Variants in KCNMA1 observed in about 807,000 individuals in gnomAD.
KCNMA1 encodes the protein Calcium-activated potassium channel subunit alpha-1.
Under a neutral mutation model 140.0 loss-of-function variants are expected in KCNMA1, and 29 were observed. The ratio of observed to expected loss-of-function variants is 0.21; its 90% CI spans 0.15 to 0.28. KCNMA1 has a LOEUF of 0.28. KCNMA1 is among the 10% of genes least tolerant of loss of function. The probability of loss-of-function intolerance (pLI) is 1.00; values close to 1 mark genes in which losing one functional copy is unlikely to be tolerated. For missense variants in KCNMA1, 880 were observed against 1,602.2 expected, an observed-to-expected ratio of 0.55 and a Z score of 7.70; for synonymous variants, 612 against 611.9, an observed-to-expected ratio of 1.00 and a Z score of 0.00.
intron 2 of KCNMA1, among the ~76,000 whole-genome samples, chr10:77,263,413 A>C (rs1406273777): frequency 2.6e-5 from 4 of 152,126 alleles, no homozygotes; most frequent in Non-Finnish European, 4.4e-5. Flanking sequence ...TGTTCCCTTC[A>C]TCCTATAACC....
chr10:77,516,141 G>A (rs1401077627), intron 1 of KCNMA1, among the ~76,000 whole-genome samples: 1 of 152,080 alleles, frequency 6.6e-6, no homozygotes. Flanking sequence ...AGTCTCTTGG[G>A]TCTGACAGAT....
At chr10:77,021,792 T>C (rs550701435) in intron 16 of KCNMA1, among the ~76,000 whole-genome samples, 141 of 152,264 alleles carry the variant, frequency 9.3e-4, no homozygotes, top group African/African-American at 3.3e-3. Context: ...TTGCAGATAC[T>C]AAGCTAAGGC....
At chr10:77,449,816 G>C (rs1030153574) in intron 1 of KCNMA1, among the ~76,000 whole-genome samples, 1 of 151,532 alleles carries the variant, frequency 6.6e-6, no homozygotes, top group African/African-American at 2.4e-5. Context: ...CTAATTTTTT[G>C]TATTTTTAGT....
At chr10:77,177,433 T>C (rs912586519) in intron 5 of KCNMA1, among the ~76,000 whole-genome samples, 4 of 151,150 alleles carry the variant, frequency 2.6e-5, no homozygotes, top group African/African-American at 4.9e-5. Flanking sequence ...CTTCCTTCCT[T>C]CTTTCCTTTT....
intron 1 of KCNMA1, among the ~76,000 whole-genome samples, chr10:77,573,788 C>G (rs1419480985): frequency 6.6e-6 from 1 of 151,670 alleles, no homozygotes; most frequent in African/African-American, 2.4e-5. Flanking sequence ...CCAGACTCAC[C>G]CTGTATACCT....
At chr10:77,137,780 CT>C (rs1240336938) in intron 5 of KCNMA1, among the ~76,000 whole-genome samples, 1 of 152,098 alleles carries the variant, frequency 6.6e-6, no homozygotes, top group East Asian at 1.9e-4. Context: ...TTGCTCCCTA[CT>C]TTTTTAAAAA....
chr10:77,435,967 G>A (rs900000134), intron 1 of KCNMA1, among the ~76,000 whole-genome samples: 16 of 152,152 alleles, frequency 1.1e-4, no homozygotes, highest in Non-Finnish European at 1.6e-4. Context: ...TTTTATTCCC[G>A]ATCTTAGACT....
chr10:77,072,845 CAT>C (rs753927207), intron 14 of KCNMA1, among the ~76,000 whole-genome samples: 2 of 152,094 alleles, frequency 1.3e-5, no homozygotes, highest in South Asian at 2.1e-4. Flanking sequence ...GATAGATAAA[CAT>C]GTGGTTTATC....
intron 1 of KCNMA1, chr10:77,636,991 G>T (rs1603639305): frequency 2.1e-6 from 3 of 1,405,748 alleles, no homozygotes; most frequent in East Asian, 5.4e-5. Context: ...GGCCCCAGCC[G>T]CAGCCGCCAA....
chr10:77,482,991 TACACACACACACAC>T (rs56364046), intron 1 of KCNMA1, among the ~76,000 whole-genome samples: 44,200 of 126,766 alleles, frequency 0.35, 7,776 homozygotes, highest in East Asian at 0.54. Flanking sequence ...CTCTCTCACA[TACACACACACACAC>T]ACACACACAC....
chr10:77,166,544 T>C (rs1286206944), intron 5 of KCNMA1, among the ~76,000 whole-genome samples: 2 of 150,604 alleles, frequency 1.3e-5, no homozygotes, highest in African/African-American at 4.9e-5. Flanking sequence ...CCAAAAATGA[T>C]TGATTCAGAG....
intron 3 of KCNMA1, among the ~76,000 whole-genome samples, chr10:77,242,060 C>T (rs537142199): frequency 6.6e-6 from 1 of 152,228 alleles, no homozygotes; most frequent in East Asian, 1.9e-4. Context: ...ACTGCAGACT[C>T]TCCTCCCCAT....
intron 2 of KCNMA1, among the ~76,000 whole-genome samples, chr10:77,377,076 G>A (rs1433578700): frequency 2.6e-5 from 4 of 152,130 alleles, no homozygotes; most frequent in African/African-American, 9.7e-5. Flanking sequence ...AAGGAGAAGA[G>A]CCTGCGCCTA....
chr10:76,954,621 T>C (rs1439178799), intron 20 of KCNMA1, among the ~76,000 whole-genome samples: 2 of 152,138 alleles, frequency 1.3e-5, no homozygotes, highest in Non-Finnish European at 2.9e-5. Flanking sequence ...CAACACCCTC[T>C]CTCCTTGCCT....
chr10:77,189,185 G>A (rs1049242717), intron 3 of KCNMA1, among the ~76,000 whole-genome samples: 13 of 151,996 alleles, frequency 8.6e-5, no homozygotes, highest in African/African-American at 1.9e-4. Flanking sequence ...TGGGAACACC[G>A]CTTTGAGACC....
chr10:77,191,922 T>C (rs1055446211), intron 3 of KCNMA1, among the ~76,000 whole-genome samples: 7 of 152,170 alleles, frequency 4.6e-5, no homozygotes, highest in African/African-American at 1.4e-4. Context: ...CTTCTAATTA[T>C]AGCTCTGCTC....
intron 1 of KCNMA1, among the ~76,000 whole-genome samples, chr10:77,491,740 CACACACACACACA>C (rs1567135439): frequency 6.6e-6 from 1 of 152,058 alleles, no homozygotes; most frequent in South Asian, 2.1e-4. Context: ...CACACACACA[CACACACACACACA>C]CCCTACATAT....
At chr10:77,136,899 A>G (rs570988651) in intron 5 of KCNMA1, among the ~76,000 whole-genome samples, 3 of 152,170 alleles carry the variant, frequency 2.0e-5, no homozygotes, top group Non-Finnish European at 4.4e-5. Flanking sequence ...TGCAAGATTC[A>G]GTCACATGAG....
intron 23 of KCNMA1, among the ~76,000 whole-genome samples, chr10:76,941,162 G>GGGAA (rs1174925352): frequency 6.5e-4 from 52 of 80,128 alleles, no homozygotes; most frequent in Non-Finnish European, 1.0e-3. Context: ...AGGGAGGGAA[G>GGGAA]GGAAGGAAGG....
Sources: allele counts gnomAD v4.1 joint callset (sites outside exome capture counted in the v4.1 genomes callset), GRCh38; gene constraint gnomAD v4.1.1; transcripts MANE v1.5; gene names NCBI Gene and HGNC (gene_info 2026-07-23, HGNC 2026-07-21).